The following TLCD3B variants were observed in gnomAD, a reference collection of about 807,000 sequenced individuals.
TLCD3B encodes the protein TLC domain containing 3B.
A neutral mutation model predicts 23.0 loss-of-function variants in TLCD3B; 9 were observed. The ratio of observed to expected loss-of-function variants is 0.39; its 90% CI spans 0.24 to 0.68. The LOEUF is 0.68. Ranked by LOEUF, TLCD3B falls within the 30% of genes least tolerant of loss-of-function variation. The pLI is 0.44. For synonymous variants in TLCD3B, 161 were observed against 161.0 expected (o/e 1.00, Z 0.00); for missense variants, 307 against 371.8 (o/e 0.83, Z 1.43).
chr16:30,035,220 TC>T, upstream of TLCD3B: 2 of 1,059,160 alleles, frequency 1.9e-6, no homozygotes, highest in Non-Finnish European at 2.5e-6. Context: ...CCTGCTGGTG[TC>T]TTTTGACTCC....
In TLCD3B at chr16:30,029,393, C is replaced by T; in HGVS notation, c.209+39G>A. 6.3e-7 allele frequency: 1 copy of T among 1,580,214 alleles called. No homozygotes were observed. Among genetic ancestry groups the T allele is most frequent in the East Asian group, 2.2e-5 (1 of 44,658 alleles). On this transcript the variant is annotated intron_variant, in intron 2 of 4. Transcript: ENST00000380495. The surrounding 1 kb of genome is among the most constrained non-coding windows in gnomAD (Gnocchi z 4.6). ...TCCGGGATTACCCGTACACGCCAAC[C>T]ACTGGCACCTGGGCAGGGGGGTGTC...
chr16:30,037,557 A>AAG (rs1031145000), intron 3 of TLCD3B, among the ~76,000 whole-genome samples: 76 of 151,276 alleles, frequency 5.0e-4, no homozygotes, highest in Middle Eastern at 3.4e-3. Flanking sequence ...AAAAAAAAAA[A>AAG]AAGAAGAAGA....
rs1379133559 is a variant in TLCD3B at position 30,024,558 on chromosome 16, C to T, written c.*625G>A. On this transcript the variant is annotated 3_prime_UTR_variant, in exon 5 of 5. Coordinates refer to ENST00000380495, the MANE Select transcript of TLCD3B (RefSeq NM_031478.6). ...TGGCAGGGCCCGAGGGCGCGATGTG[C>T]AGCCGATGGTGAGGGACTGGGCGCC... is the stretch of plus-strand genomic sequence containing the variant. 5.1e-6 allele frequency: 2 copies of T among 391,740 alleles called. No homozygotes were observed. Among genetic ancestry groups the T allele is most frequent in the Non-Finnish European group, 4.6e-6 (1 of 217,332 alleles). 24.3% of individuals were successfully genotyped at this position (391,740 alleles called of 1,614,324 possible).
At chr16:30,037,534 C>T (rs978268964) in intron 3 of TLCD3B, among the ~76,000 whole-genome samples, 4 of 142,018 alleles carry the variant, frequency 2.8e-5, no homozygotes, top group Non-Finnish European at 4.5e-5. Context: ...CAGAGCGAGA[C>T]TGTGTTTCAA....
At chr16:30,051,994 A>C (rs545566515) in intron 1 of TLCD3B, among the ~76,000 whole-genome samples, 13 of 152,320 alleles carry the variant, frequency 8.5e-5, no homozygotes, top group Admixed American at 7.2e-4. Context: ...GCTACCTGGG[A>C]GGCTGAGGCT....
upstream of TLCD3B, among the ~76,000 whole-genome samples, chr16:30,031,453 GC>G (rs1344802970): frequency 1.3e-5 from 2 of 152,170 alleles, no homozygotes; most frequent in Non-Finnish European, 2.9e-5. Context: ...GGGGCCCTGA[GC>G]CCCCACAGGG....
Position 30,030,716 on chromosome 16 carries a change from AG to A in TLCD3B, c.-190del. 4.2e-6 allele frequency: 2 copies of A among 471,740 alleles called. No homozygotes were observed. Among genetic ancestry groups the A allele is most frequent in the Non-Finnish European group, 4.7e-6 (2 of 428,486 alleles). The allele number at this position is 471,740 out of a possible 1,614,324, so 29.2% of individuals were successfully genotyped here. ...AGTCCGATGAAACTGGGGAGTCGGG[AG>A]GGGGCTGGCTGGGCAGAGACGGGGG... On this transcript the variant is annotated 5_prime_UTR_variant, in exon 1 of 5. Coordinates refer to ENST00000380495, the MANE Select transcript of TLCD3B (RefSeq NM_031478.6).
chr16:30,036,585 T>G, intron 3 of TLCD3B: 1 of 370,162 alleles, frequency 2.7e-6, no homozygotes, highest in South Asian at 2.3e-5. Flanking sequence ...GAGTATGCTC[T>G]TCCATTGGTG....
chr16:30,026,061 G>A (rs531276419), intron 3 of TLCD3B, among the ~76,000 whole-genome samples: 33 of 152,172 alleles, frequency 2.2e-4, no homozygotes, highest in Non-Finnish European at 3.7e-4. Context: ...GTGAAACCCC[G>A]TCTGTACTAA....
Position 30,024,487 on chromosome 16 carries a change from A to C in TLCD3B, c.*696T>G. 1.8e-6 allele frequency: 1 copy of C among 546,842 alleles called. No homozygotes were observed. Among genetic ancestry groups the C allele is most frequent in the Non-Finnish European group, 3.2e-6 (1 of 309,810 alleles). 33.9% of individuals were successfully genotyped at this position (546,842 alleles called of 1,614,324 possible). A position where few individuals can be genotyped will look rare whatever the true frequency, so the allele number is the denominator to read the frequency against. On this transcript the variant is annotated 3_prime_UTR_variant, in exon 5 of 5. Transcript: ENST00000380495. ...GTAAAGCACCTCCCAGGGTCCCCCG[A>C]CCCCAGATTGGAGGAAGCCTTGAGA...
At chr16:30,040,147 A>AAAAAATATATATATATATATATATATAT in intron 3 of TLCD3B, among the ~76,000 whole-genome samples, 2 of 95,896 alleles carry the variant, frequency 2.1e-5, no homozygotes, top group African/African-American at 8.7e-5. Context: ...AAAAAAAAAA[A>AAAAAATATATATATATATATATATATAT]ATATATATAT....
At chr16:30,027,887 G>C (rs778267977) in intron 2 of TLCD3B, among the ~76,000 whole-genome samples, 1 of 152,212 alleles carries the variant, frequency 6.6e-6, no homozygotes, top group African/African-American at 2.4e-5. Context: ...CATGAGGCAC[G>C]TGGAGGAGGC....
intron 3 of TLCD3B, among the ~76,000 whole-genome samples, chr16:30,040,753 T>C (rs2071568744): frequency 6.6e-6 from 1 of 151,808 alleles, no homozygotes; most frequent in South Asian, 2.1e-4. Context: ...CCTCCCGGGC[T>C]CAAGTGATCC....
chr16:30,047,639 G>A (rs765996678), intron 1 of TLCD3B, among the ~76,000 whole-genome samples: 2 of 151,042 alleles, frequency 1.3e-5, no homozygotes, highest in Non-Finnish European at 3.0e-5. Flanking sequence ...TGTATTTTTT[G>A]TAGAGACTGG....
At chr16:30,031,633 A>G (rs2071363007), upstream of TLCD3B, among the ~76,000 whole-genome samples, 1 of 152,182 alleles carries the variant, frequency 6.6e-6, no homozygotes, top group Admixed American at 6.5e-5. Context: ...GGAAGAGCTG[A>G]AGGAGGGGAT....
Position 30,040,147 on chromosome 16 carries a change from A to AAATATAT in TLCD3B, c.-67+847_-67+848insATATATT. Among the ~76,000 whole-genome samples the AAATATAT allele has an allele frequency of 2.9e-3, 278 of 95,896 alleles. 1 individual carries two copies. Among genetic ancestry groups the AAATATAT allele is most frequent in the Middle Eastern group, 6.5e-3 (1 of 154 alleles). The allele number at this position is 95,896 out of a possible 152,430, so 62.9% of individuals were successfully genotyped here. A position where few individuals can be genotyped will look rare whatever the true frequency, so the allele number is the denominator to read the frequency against. On this transcript the variant is annotated intron_variant, in intron 3 of 6. Transcript: ENST00000561666. ...AGACTTTGTCTCAAAAAAAAAAAAA[A>AAATATAT]ATATATATATATATATATATATATG...
intron 3 of TLCD3B, chr16:30,036,539 A>ACTC (rs1320888210): frequency 3.1e-6 from 2 of 645,432 alleles, no homozygotes; most frequent in African/African-American, 1.9e-5. Flanking sequence ...CTGCAAAGGC[A>ACTC]CGAGGCTGCT....
chr16:30,051,500 G>A (rs1436447662), intron 1 of TLCD3B, among the ~76,000 whole-genome samples: 3 of 121,854 alleles, frequency 2.5e-5, no homozygotes, highest in East Asian at 5.0e-4. Context: ...CAGCCTGGGC[G>A]ACAAGAGCAA....
chr16:30,049,812 C>A (rs1180352482), intron 1 of TLCD3B, among the ~76,000 whole-genome samples: 1 of 151,814 alleles, frequency 6.6e-6, no homozygotes, highest in Non-Finnish European at 1.5e-5. Context: ...GTAATCCCAG[C>A]TATTTGGGAG....
Sources: gnomAD v4.1 joint callset for allele counts (sites outside exome capture counted in the v4.1 genomes callset) on GRCh38, gnomAD v4.1.1 for gene constraint, Gnocchi (gnomAD v3.1) non-coding constraint, MANE v1.5 for transcripts, NCBI Gene and HGNC (gene_info 2026-07-23, HGNC 2026-07-21) for gene names.